Variants in NRXN3 observed in about 807,000 individuals in gnomAD.
NRXN3 encodes neurexin 3.
A neutral mutation model predicts 137.6 loss-of-function variants in NRXN3; 32 were observed. The ratio of observed to expected loss-of-function variants is 0.23; its 90% CI spans 0.18 to 0.31. The LOEUF (loss-of-function observed/expected upper bound fraction) is 0.31. Ranked by LOEUF, NRXN3 falls within the 10% of genes least tolerant of loss-of-function variation. The probability of loss-of-function intolerance (pLI) is 1.00; values close to 1 mark genes in which losing one functional copy is unlikely to be tolerated. For missense variants in NRXN3, 1,574 were observed against 2,062.5 expected (o/e 0.76, Z 4.59); for synonymous variants, 798 against 784.5 (o/e 1.02, Z -0.29).
chr14:78,602,219 A>G (rs1278503968), intron 4 of NRXN3, among the ~76,000 whole-genome samples: 1 of 148,772 alleles, frequency 6.7e-6, no homozygotes, highest in Non-Finnish European at 1.5e-5. Flanking sequence ...TTCTGAATAC[A>G]TGTAGGGTAT....
At chr14:79,126,960 G>T (rs943164627) in intron 15 of NRXN3, among the ~76,000 whole-genome samples, 1 of 152,302 alleles carries the variant, frequency 6.6e-6, no homozygotes, top group Admixed American at 6.5e-5. Context: ...TTTTTTGGCT[G>T]CATAAATGTC....
intron 19 of NRXN3, among the ~76,000 whole-genome samples, chr14:79,802,293 G>A (rs538367589): frequency 1.4e-4 from 22 of 152,114 alleles, no homozygotes; most frequent in African/African-American, 5.3e-4. Flanking sequence ...AAGTCCTACC[G>A]GGCCATTCTG....
chr14:78,303,177 T>A (rs2077039660), intron 4 of NRXN3, among the ~76,000 whole-genome samples: 1 of 152,204 alleles, frequency 6.6e-6, no homozygotes, highest in South Asian at 2.1e-4. Flanking sequence ...TTATTCTGTT[T>A]CTCTACCTTT....
intron 15 of NRXN3, among the ~76,000 whole-genome samples, chr14:79,290,612 C>T (rs1802669318): frequency 7.1e-6 from 1 of 141,128 alleles, no homozygotes; most frequent in Non-Finnish European, 1.5e-5. Context: ...GATGTGGTAG[C>T]AAGAGGAACT....
chr14:79,395,089 TAAC>T (rs1385528622), intron 15 of NRXN3, among the ~76,000 whole-genome samples: 1 of 152,206 alleles, frequency 6.6e-6, no homozygotes, highest in Non-Finnish European at 1.5e-5. Flanking sequence ...GGGAGCCAGT[TAAC>T]AACATCTTTG....
intron 16 of NRXN3, among the ~76,000 whole-genome samples, chr14:79,489,396 C>G (rs895501946): frequency 6.6e-6 from 1 of 152,044 alleles, no homozygotes; most frequent in Non-Finnish European, 1.5e-5. Flanking sequence ...CAATGGCACA[C>G]CAATCCAGTC....
intron 3 of NRXN3, chr14:78,283,247 A>C (rs1446145006): frequency 1.3e-5 from 2 of 152,176 alleles, no homozygotes; most frequent in Non-Finnish European, 2.9e-5. Context: ...TACATCTTTC[A>C]TGTAGATGTA....
chr14:79,430,297 G>A (rs1415518581), intron 15 of NRXN3, among the ~76,000 whole-genome samples: 4 of 152,186 alleles, frequency 2.6e-5, no homozygotes, highest in African/African-American at 7.2e-5. Context: ...GAATTTTGCT[G>A]TTCTGGAGTC....
chr14:79,416,954 C>A (rs537158617), intron 15 of NRXN3, among the ~76,000 whole-genome samples: 4 of 152,018 alleles, frequency 2.6e-5, no homozygotes, highest in Non-Finnish European at 5.9e-5. Flanking sequence ...CTTTGGACAC[C>A]AAAGAATATT....
intron 19 of NRXN3, among the ~76,000 whole-genome samples, chr14:79,765,840 C>CT (rs902757563): frequency 6.6e-6 from 1 of 152,174 alleles, no homozygotes; most frequent in Non-Finnish European, 1.5e-5. Flanking sequence ...TCTTCCACTA[C>CT]TTTTTACATT....
At chr14:78,820,195 C>T (rs1052830533) in intron 10 of NRXN3, among the ~76,000 whole-genome samples, 1 of 150,366 alleles carries the variant, frequency 6.7e-6, no homozygotes, top group African/African-American at 2.4e-5. Context: ...ATTTCCCTTT[C>T]ATTATGCCTA....
intron 16 of NRXN3, among the ~76,000 whole-genome samples, chr14:79,552,075 A>G (rs2097378364): frequency 6.6e-6 from 1 of 152,162 alleles, no homozygotes; most frequent in Non-Finnish European, 1.5e-5. Context: ...AGTATTCTTC[A>G]ATTTGTTGAT....
At chr14:79,524,928 A>T (rs1331311835) in intron 16 of NRXN3, among the ~76,000 whole-genome samples, 1 of 151,610 alleles carries the variant, frequency 6.6e-6, no homozygotes, top group African/African-American at 2.4e-5. Context: ...GGCCGTGTAG[A>T]CTCTTCTTGG....
rs188690339 is a variant in NRXN3, at chr14:79,535,359, G to A, written c.3444+67957G>A. 2.0e-5 allele frequency among the ~76,000 whole-genome samples: 3 copies of A among 152,294 alleles called. No homozygotes were observed. In the East Asian group the frequency reaches 5.8e-4, roughly 29 times the overall value. On this transcript the variant is annotated intron_variant, in intron 16 of 20. Transcript: ENST00000335750. Reference sequence around the variant, plus strand: ...TCCCGCGTAGCATCACCGGGAGAATGAGTGTGTTGTGAGTGCAAAGCATGG... The same window carrying A: ...TCCCGCGTAGCATCACCGGGAGAATAAGTGTGTTGTGAGTGCAAAGCATGG...
intron 3 of NRXN3, chr14:78,282,268 C>T: frequency 2.3e-6 from 1 of 428,574 alleles, no homozygotes; most frequent in Non-Finnish European, 4.8e-6. Flanking sequence ...TTTGCCTGTT[C>T]TAGAACTCTC....
chr14:78,282,085 C>T, intron 3 of NRXN3: 1 of 482,722 alleles, frequency 2.1e-6, no homozygotes, highest in Non-Finnish European at 4.2e-6. Context: ...AACTGAGGCC[C>T]AAGAAGGGAA....
At chr14:79,412,498 A>G (rs1205919342) in intron 15 of NRXN3, among the ~76,000 whole-genome samples, 1 of 151,868 alleles carries the variant, frequency 6.6e-6, no homozygotes, top group Non-Finnish European at 1.5e-5. Context: ...AGCTAGGATC[A>G]GCTGGCTCAG....
chr14:78,503,198 A>G (rs959716371), intron 4 of NRXN3, among the ~76,000 whole-genome samples: 1 of 152,154 alleles, frequency 6.6e-6, no homozygotes, highest in Non-Finnish European at 1.5e-5. Context: ...CTAAGGGCAA[A>G]ATATTGGATT....
chr14:78,338,206 A>G (rs937884788), intron 4 of NRXN3, among the ~76,000 whole-genome samples: 1 of 152,132 alleles, frequency 6.6e-6, no homozygotes, highest in African/African-American at 2.4e-5. Flanking sequence ...CCTCAAAGCA[A>G]CACCATCTGA....
Sources: gnomAD v4.1 joint callset for allele counts (sites outside exome capture counted in the v4.1 genomes callset) on GRCh38, gnomAD v4.1.1 for gene constraint, MANE v1.5 for transcripts, NCBI Gene and HGNC (gene_info 2026-07-23, HGNC 2026-07-21) for gene names.